The following ESR1 variants were observed in gnomAD, a reference collection of about 807,000 sequenced individuals.
ESR1 encodes estrogen receptor 1.
Under a neutral mutation model 52.7 loss-of-function variants are expected in ESR1, and 12 were observed. The observed-to-expected ratio is 0.23, with a 90% CI of 0.15 to 0.37. ESR1 has a LOEUF of 0.37. Ranked by LOEUF, ESR1 falls within the 10% of genes least tolerant of loss-of-function variation. The probability of loss-of-function intolerance (pLI) is 1.00; values close to 1 mark genes in which losing one functional copy is unlikely to be tolerated. For missense variants in ESR1, 584 were observed against 779.7 expected (o/e 0.75, Z 2.99); for synonymous variants, 305 against 316.8 (o/e 0.96, Z 0.39).
intron 2 of ESR1, among the ~76,000 whole-genome samples, chr6:151,788,929 A>T (rs1191552841): frequency 6.6e-6 from 1 of 152,222 alleles, no homozygotes; most frequent in Non-Finnish European, 1.5e-5. Flanking sequence ...ATAGAGAGGA[A>T]TAACAGACAC....
chr6:152,036,851 A>C (rs1333761873), intron 5 of ESR1, among the ~76,000 whole-genome samples: 1 of 152,218 alleles, frequency 6.6e-6, no homozygotes, highest in Non-Finnish European at 1.5e-5. Flanking sequence ...GGAGCTCTCC[A>C]AGGCATGGGG....
chr6:151,800,803 T>C (rs1583342371), upstream of ESR1, among the ~76,000 whole-genome samples: 1 of 152,226 alleles, frequency 6.6e-6, no homozygotes, highest in African/African-American at 2.4e-5. Flanking sequence ...TGCTTATAAA[T>C]GCATTACTCC....
chr6:151,712,632 GCTCT>G (rs1034967156), intron 2 of ESR1, among the ~76,000 whole-genome samples: 6 of 151,964 alleles, frequency 3.9e-5, no homozygotes, highest in Non-Finnish European at 8.8e-5. Flanking sequence ...TCATGATTTG[GCTCT>G]CTGTTTGTTA....
At chr6:151,952,572 G>A (rs971061129) in intron 4 of ESR1, among the ~76,000 whole-genome samples, 8 of 152,136 alleles carry the variant, frequency 5.3e-5, no homozygotes, top group Non-Finnish European at 1.2e-4. Flanking sequence ...ATACAATTTT[G>A]AATTGAGTTT....
At chr6:152,114,550 A>C (rs2051183886) in intron 6 of ESR1, among the ~76,000 whole-genome samples, 1 of 152,184 alleles carries the variant, frequency 6.6e-6, no homozygotes, top group Non-Finnish European at 1.5e-5. Flanking sequence ...TTAATAAATG[A>C]CTTGTTAACA....
At chr6:151,685,103 GCCT>G (rs1166887491) in intron 1 of ESR1, among the ~76,000 whole-genome samples, 4 of 127,614 alleles carry the variant, frequency 3.1e-5, no homozygotes, top group African/African-American at 1.2e-4. Flanking sequence ...TCTGACACTG[GCCT>G]CTTTTTTTTT....
intron 1 of ESR1, among the ~76,000 whole-genome samples, chr6:151,821,396 G>A (rs1780534450): frequency 6.6e-6 from 1 of 152,182 alleles, no homozygotes; most frequent in African/African-American, 2.4e-5. Context: ...TTTAACCTCT[G>A]TTTGTCGAGT....
At chr6:152,010,296 C>T (rs1348456667) in intron 4 of ESR1, among the ~76,000 whole-genome samples, 3 of 152,070 alleles carry the variant, frequency 2.0e-5, no homozygotes, top group African/African-American at 7.2e-5. Context: ...ACCATTCATA[C>T]TTGATTGTTA....
chr6:151,681,699 G>C (rs1388574779), intron 1 of ESR1, among the ~76,000 whole-genome samples: 1 of 152,152 alleles, frequency 6.6e-6, no homozygotes, highest in African/African-American at 2.4e-5. Flanking sequence ...AGATTCTTCG[G>C]GACAGGCTGC....
intron 4 of ESR1, among the ~76,000 whole-genome samples, chr6:152,006,812 A>G (rs577917083): frequency 1.6e-4 from 25 of 152,158 alleles, no homozygotes; most frequent in African/African-American, 6.0e-4. Flanking sequence ...GAAAATGATT[A>G]TCTCTTTTGA....
Position 151,740,886 on chromosome 6 carries a change from C to T in ESR1, c.-71+38881C>T, listed in dbSNP as rs141006879. Among the ~76,000 whole-genome samples, 10 of 152,260 alleles carry T rather than the reference C, an allele frequency of 6.6e-5. No homozygotes were observed. The East Asian group carries it at 1.5e-3, about 24-fold the overall frequency. Reference sequence around the variant, plus strand: ...ACTGATGTTCTGTTCTTCAGATTGGCGAACATGGCTCAAAGACCACTAGTG... The same window carrying T: ...ACTGATGTTCTGTTCTTCAGATTGGTGAACATGGCTCAAAGACCACTAGTG... On this transcript the variant is annotated intron_variant, in intron 2 of 2. Transcript: ENST00000404742.
chr6:151,830,234 A>G (rs1399785936), intron 1 of ESR1, among the ~76,000 whole-genome samples: 1 of 152,166 alleles, frequency 6.6e-6, no homozygotes, highest in East Asian at 1.9e-4. Context: ...TTTCCAAGGC[A>G]GAGGCTGGAT....
intron 2 of ESR1, among the ~76,000 whole-genome samples, chr6:151,745,647 C>T (rs1783427897): frequency 6.6e-6 from 1 of 152,154 alleles, no homozygotes; most frequent in South Asian, 2.1e-4. Context: ...ATATTTTTCA[C>T]ATTCTGACAC....
At chr6:151,816,454 A>G (rs1309793566) in intron 1 of ESR1, among the ~76,000 whole-genome samples, 1 of 152,228 alleles carries the variant, frequency 6.6e-6, no homozygotes, top group African/African-American at 2.4e-5. Context: ...AAACAAATTC[A>G]TAGATGTCTA....
At chr6:151,874,028 T>C (rs1241594617) in intron 2 of ESR1, among the ~76,000 whole-genome samples, 1 of 152,214 alleles carries the variant, frequency 6.6e-6, no homozygotes, top group Non-Finnish European at 1.5e-5. Context: ...CAATGAGGCT[T>C]TTTCGCAGGA....
At chr6:151,826,107 G>C (rs1287143687) in intron 1 of ESR1, among the ~76,000 whole-genome samples, 2 of 151,964 alleles carry the variant, frequency 1.3e-5, no homozygotes, top group Non-Finnish European at 2.9e-5. Context: ...ATTGAAAGTT[G>C]GTTGTGTGGT....
intron 1 of ESR1, among the ~76,000 whole-genome samples, chr6:151,828,030 C>T (rs1781806753): frequency 1.3e-5 from 2 of 152,058 alleles, no homozygotes; most frequent in South Asian, 2.1e-4. Context: ...GTCCCAAGTC[C>T]CTTAGATACT....
At chr6:151,930,961 C>T (rs1023546203) in intron 3 of ESR1, among the ~76,000 whole-genome samples, 23 of 151,972 alleles carry the variant, frequency 1.5e-4, no homozygotes, top group African/African-American at 5.6e-4. Context: ...GATTTTCTCC[C>T]TGTCTTTGGT....
intron 2 of ESR1, among the ~76,000 whole-genome samples, chr6:151,791,854 T>A (rs990299866): frequency 6.6e-6 from 1 of 151,794 alleles, no homozygotes; most frequent in Non-Finnish European, 1.5e-5. Flanking sequence ...AAAAACCTTT[T>A]ATCTACACAA....
Sources: allele counts gnomAD v4.1 joint callset (sites outside exome capture counted in the v4.1 genomes callset), GRCh38; gene constraint gnomAD v4.1.1; transcripts MANE v1.5; gene names NCBI Gene and HGNC (gene_info 2026-07-23, HGNC 2026-07-21).